Variants in RBMS3 observed in about 807,000 individuals in gnomAD.
RBMS3 encodes the protein RNA-binding motif, single-stranded-interacting protein 3.
Under a neutral mutation model 66.8 loss-of-function variants are expected in RBMS3, and 27 were observed. That is an observed-to-expected ratio of 0.40 (90% CI 0.30 to 0.56). RBMS3 has a LOEUF of 0.56. Ranked by LOEUF, RBMS3 falls within the 20% of genes least tolerant of loss-of-function variation. The probability of loss-of-function intolerance (pLI) is 0.40; values close to 1 mark genes in which losing one functional copy is unlikely to be tolerated. For missense variants in RBMS3, 513 were observed against 549.5 expected, an observed-to-expected ratio of 0.93 and a Z score of 0.66; for synonymous variants, 188 against 183.0, an observed-to-expected ratio of 1.03 and a Z score of -0.22.
In RBMS3 at chr3:29,471,072, C is replaced by T. The variant is rs149902357; in HGVS notation, c.249-17369C>T. Reference sequence around the variant, plus strand: ...CGTGGACAGGTATGGAAAGTGTTAACGCCAGATACAAAATAATTTATGTAA... The same window carrying T: ...CGTGGACAGGTATGGAAAGTGTTAATGCCAGATACAAAATAATTTATGTAA... On this transcript the variant is annotated intron_variant, in intron 2 of 14. Coordinates refer to ENST00000383767, the MANE Select transcript of RBMS3 (RefSeq NM_001003793.3). Among the ~76,000 whole-genome samples, 9 of 152,176 alleles carry T rather than the reference C, an allele frequency of 5.9e-5. No homozygotes were observed. The East Asian group carries it at 1.4e-3, about 23-fold the overall frequency.
intron 6 of RBMS3, among the ~76,000 whole-genome samples, chr3:29,838,763 G>A (rs1190119245): frequency 6.6e-6 from 1 of 152,116 alleles, no homozygotes; most frequent in East Asian, 1.9e-4. Flanking sequence ...AAAACTGAAT[G>A]CAAATAGTGT....
At chr3:29,549,836 AT>A (rs1327436709) in intron 3 of RBMS3, among the ~76,000 whole-genome samples, 2 of 152,164 alleles carry the variant, frequency 1.3e-5, no homozygotes, top group South Asian at 4.1e-4. Context: ...GCAGTAAAAT[AT>A]TTTTTTCTAG....
chr3:29,334,243 GT>G (rs1218227363), intron 1 of RBMS3, among the ~76,000 whole-genome samples: 1 of 152,120 alleles, frequency 6.6e-6, no homozygotes, highest in East Asian at 1.9e-4. Flanking sequence ...GCTTTTCACA[GT>G]TCCGTTTGCA....
chr3:29,418,120 C>T (rs1479587148), intron 1 of RBMS3, among the ~76,000 whole-genome samples: 2 of 152,084 alleles, frequency 1.3e-5, no homozygotes, highest in East Asian at 3.9e-4. Flanking sequence ...ACTAGCACAT[C>T]AGCTACAAAC....
At chr3:29,851,961 G>C (rs1349041511) in intron 6 of RBMS3, among the ~76,000 whole-genome samples, 1 of 152,156 alleles carries the variant, frequency 6.6e-6, no homozygotes, top group Non-Finnish European at 1.5e-5. Flanking sequence ...AAAACAGCAT[G>C]GTACTGGTAC....
chr3:29,902,891 G>A (rs914300017), intron 10 of RBMS3, among the ~76,000 whole-genome samples: 2 of 151,860 alleles, frequency 1.3e-5, no homozygotes, highest in African/African-American at 2.4e-5. Context: ...TGAAAACAGT[G>A]CTTCCGTAAA....
chr3:29,920,794 C>T (rs138428188), intron 10 of RBMS3, among the ~76,000 whole-genome samples: 26 of 144,150 alleles, frequency 1.8e-4, no homozygotes, highest in South Asian at 6.5e-4. Context: ...GCTAACATGG[C>T]GAAACCCCGT....
chr3:29,881,434 T>G (rs2059734660), intron 7 of RBMS3, among the ~76,000 whole-genome samples: 1 of 152,304 alleles, frequency 6.6e-6, no homozygotes, highest in East Asian at 1.9e-4. Context: ...GAGGTAGGTA[T>G]TATTAAACCA....
At chr3:29,757,793 A>T (rs1375665558) in intron 5 of RBMS3, among the ~76,000 whole-genome samples, 2 of 152,208 alleles carry the variant, frequency 1.3e-5, no homozygotes, top group Non-Finnish European at 2.9e-5. Context: ...ACCATGGCAC[A>T]TTTGTCAAAA....
intron 1 of RBMS3, among the ~76,000 whole-genome samples, chr3:29,420,554 A>AGGTTT (rs1258936766): frequency 1.8e-5 from 2 of 109,662 alleles, no homozygotes; most frequent in South Asian, 3.8e-4. Context: ...TGGTGTACTT[A>AGGTTT]GGTTTGTTTT....
At chr3:29,425,903 G>A (rs2040940405) in intron 1 of RBMS3, among the ~76,000 whole-genome samples, 1 of 152,084 alleles carries the variant, frequency 6.6e-6, no homozygotes, top group Non-Finnish European at 1.5e-5. Context: ...CAGGCATTTG[G>A]GTTGATCTCT....
chr3:29,573,890 A>G (rs2047022443), intron 3 of RBMS3, among the ~76,000 whole-genome samples: 2 of 151,902 alleles, frequency 1.3e-5, no homozygotes, highest in African/African-American at 4.8e-5. Flanking sequence ...CCTCTTGTTG[A>G]TTTCTAGTTT....
At chr3:29,411,336 C>A (rs1210176999) in intron 1 of RBMS3, among the ~76,000 whole-genome samples, 2 of 152,096 alleles carry the variant, frequency 1.3e-5, no homozygotes, top group African/African-American at 4.8e-5. Flanking sequence ...TAATCTGGAA[C>A]CAGAAAGATA....
chr3:29,527,955 T>G (rs893777336), intron 3 of RBMS3, among the ~76,000 whole-genome samples: 3 of 151,578 alleles, frequency 2.0e-5, no homozygotes, highest in Non-Finnish European at 4.4e-5. Context: ...TAAAAAGAAA[T>G]AGCAGATATA....
chr3:29,930,201 T>A (rs2061081237), intron 10 of RBMS3, among the ~76,000 whole-genome samples: 1 of 141,904 alleles, frequency 7.0e-6, no homozygotes, highest in Non-Finnish European at 1.5e-5. Context: ...AAGCTCCGCC[T>A]CCCGGGTTCA....
chr3:29,803,556 G>A (rs962549109), intron 6 of RBMS3, among the ~76,000 whole-genome samples: 1 of 151,920 alleles, frequency 6.6e-6, no homozygotes, highest in Non-Finnish European at 1.5e-5. Context: ...TTGCAAACTG[G>A]TTGTCTTTAG....
intron 6 of RBMS3, among the ~76,000 whole-genome samples, chr3:29,824,501 G>A (rs1178177168): frequency 6.6e-6 from 1 of 152,118 alleles, no homozygotes; most frequent in African/African-American, 2.4e-5. Flanking sequence ...ATACAAATCA[G>A]ATCACAACTC....
chr3:29,987,969 G>A (rs928905285), intron 12 of RBMS3, 174 bp from the exon 13 acceptor site: 6 of 555,530 alleles, frequency 1.1e-5, no homozygotes, highest in African/African-American at 9.5e-5. Flanking sequence ...TAATCAGCAA[G>A]CAAAGGCCTT....
At chr3:29,682,448 C>T (rs931897425) in intron 4 of RBMS3, among the ~76,000 whole-genome samples, 42 of 152,286 alleles carry the variant, frequency 2.8e-4, no homozygotes, top group African/African-American at 9.1e-4. Flanking sequence ...CCACCATGCC[C>T]GGCTAGATGC....
Sources: gnomAD v4.1 joint callset for allele counts (sites outside exome capture counted in the v4.1 genomes callset) on GRCh38, gnomAD v4.1.1 for gene constraint, MANE v1.5 for transcripts, NCBI Gene and HGNC (gene_info 2026-07-23, HGNC 2026-07-21) for gene names.